PCNX2: variants seen among roughly 807,000 people sequenced by gnomAD.
PCNX2 encodes the protein pecanex 2.
A neutral mutation model predicts 223.8 loss-of-function variants in PCNX2; 168 were observed. The observed-to-expected ratio is 0.75, with a 90% CI of 0.66 to 0.85. The LOEUF (loss-of-function observed/expected upper bound fraction) is 0.85, where lower values mean the gene tolerates loss of function less well. Ranked by LOEUF, PCNX2 falls within the 40% of genes least tolerant of loss-of-function variation. The pLI, the probability that PCNX2 is intolerant of heterozygous loss-of-function variation, is 0.00. For synonymous variants in PCNX2, 1,006 were observed against 1,052.6 expected (o/e 0.96, Z 0.86); for missense variants, 2,507 against 2,675.5 (o/e 0.94, Z 1.39).
Position 233,227,253 on chromosome 1 carries a change from C to T in PCNX2, c.2477G>A (p.Arg826Gln), listed in dbSNP as rs1553317674. 5.6e-6 allele frequency: 9 copies of T among 1,612,448 alleles called. No individual in the cohort carries two copies. Among genetic ancestry groups the T allele is most frequent in the East Asian group, 4.5e-5 (2 of 44,804 alleles). Residue 826 changes from arginine to glutamine, a missense_variant, in exon 10 of 34, where the codon CGA becomes CAA. Physicochemically the swap from Arg to Gln is conservative, Grantham distance 43. Around this residue, in one of 3 missense-constraint regions of PCNX2, gnomAD observed 1,031 missense variants for 1,021.7 expected, o/e 1.01. Transcript: ENST00000258229. ...ATCAAGTAATGCCAGCAAGGTCAGTCGATCATACCAGACTTTAATCCACTT... is the reference window on the plus strand; with the variant it reads ...ATCAAGTAATGCCAGCAAGGTCAGTTGATCATACCAGACTTTAATCCACTT... The part of the protein sequence containing the change: ...PGKWIKVWYD[R>Q]LTLLALLDRT...
At chr1:233,104,353 T>C (rs1294342638) in intron 21 of PCNX2, among the ~76,000 whole-genome samples, 1 of 152,172 alleles carries the variant, frequency 6.6e-6, no homozygotes, top group African/African-American at 2.4e-5. Context: ...AATACATTTT[T>C]ACCAAAATAA....
intron 23 of PCNX2, among the ~76,000 whole-genome samples, chr1:233,086,007 T>C (rs1010514481): frequency 1.3e-5 from 2 of 152,162 alleles, no homozygotes; most frequent in Non-Finnish European, 2.9e-5. Flanking sequence ...TATTGAGTAA[T>C]AGACAACAAG....
In PCNX2 at chr1:233,236,827, A is replaced by G. The variant is rs375754463; in HGVS notation, c.2358+18T>C. Reference sequence around the variant, plus strand: ...GTTTCCAGAACATCCACAAACAGCAATTCTGGAATGTACGTACCCGTGGGG... The same window carrying G: ...GTTTCCAGAACATCCACAAACAGCAGTTCTGGAATGTACGTACCCGTGGGG... On this transcript the variant is annotated intron_variant, in intron 9 of 33. Transcript: ENST00000258229. The G allele has an allele frequency of 1.5e-5, 24 of 1,609,830 alleles. No individual in the cohort carries two copies. The highest frequency in any genetic ancestry group is 2.0e-5 in the Non-Finnish European group (23 of 1,178,214).
intron 13 of PCNX2, 119 bp from the exon 14 acceptor site, chr1:233,200,383 CTTTTTTTTTTT>C (rs1011802481): frequency 1.4e-5 from 3 of 210,944 alleles, no homozygotes; most frequent in African/African-American, 4.3e-5. Context: ...TGGAGGCAAT[CTTTTTTTTTTT>C]TTTTTTTTTT....
At chr1:233,292,906 A>T (rs1344255854) in intron 1 of PCNX2, among the ~76,000 whole-genome samples, 2 of 152,246 alleles carry the variant, frequency 1.3e-5, no homozygotes, top group Admixed American at 6.5e-5. Flanking sequence ...TGGCATAGAG[A>T]TATAACAATT....
At chr1:233,128,458 C>T (rs1378891596) in intron 21 of PCNX2, among the ~76,000 whole-genome samples, 3 of 152,084 alleles carry the variant, frequency 2.0e-5, no homozygotes, top group Admixed American at 6.6e-5. Context: ...CCTCAGCCTC[C>T]GGAGTAGCTG....
At chr1:233,215,450 A>C (rs76846566) in intron 12 of PCNX2, among the ~76,000 whole-genome samples, 126 of 152,336 alleles carry the variant, frequency 8.3e-4, no homozygotes, top group African/African-American at 3.0e-3. Flanking sequence ...AGATAAAGGA[A>C]TAGCAGCTTG....
At chr1:233,222,973 A>G (rs1384602346) in intron 10 of PCNX2, among the ~76,000 whole-genome samples, 2 of 152,196 alleles carry the variant, frequency 1.3e-5, no homozygotes, top group Non-Finnish European at 2.9e-5. Flanking sequence ...TGTCACTGGC[A>G]TATTAAAAGC....
rs1658471646 is a variant in PCNX2 at position 233,237,125 on chromosome 1, A to T, written c.2223-145T>A. On this transcript the variant is annotated intron_variant, in intron 8 of 33. Transcript: ENST00000258229. The stretch of plus-strand genomic sequence containing the variant: ...ACCTTACATAAACAGTTAAGAGTTT[A>T]AAATTATGTATACAAGGCTACCTTC... The T allele has an allele frequency of 2.9e-6, 3 of 1,024,676 alleles. 1 individual carries two copies. The highest frequency in any genetic ancestry group is 4.2e-6 in the Non-Finnish European group (3 of 722,232). 63.5% of individuals were successfully genotyped at this position (1,024,676 alleles called of 1,614,324 possible).
chr1:233,069,696 A>G (rs929065994), intron 23 of PCNX2, among the ~76,000 whole-genome samples: 9 of 152,168 alleles, frequency 5.9e-5, no homozygotes, highest in Non-Finnish European at 8.8e-5. Flanking sequence ...TTGAACTGAA[A>G]GAAAATGGAA....
At chr1:233,025,621 T>C in intron 25 of PCNX2, 1 of 600,714 alleles carries the variant, frequency 1.7e-6, no homozygotes, top group East Asian at 2.9e-5. Flanking sequence ...GTAGAAAATA[T>C]ATTTAAACGA....
chr1:233,285,078 T>A, intron 1 of PCNX2: 1 of 933,524 alleles, frequency 1.1e-6, no homozygotes, highest in Non-Finnish European at 1.3e-6. Flanking sequence ...TAGGGCCGGG[T>A]GCAGTGGTTC....
intron 4 of PCNX2, 133 bp from the exon 5 acceptor site, chr1:233,259,477 T>A (rs1003772175): frequency 4.6e-6 from 6 of 1,300,158 alleles, no homozygotes; most frequent in Non-Finnish European, 6.1e-6. Context: ...TTAATTTTAC[T>A]TTAAGTTCTG....
At position 233,289,476 on chromosome 1, in the gene PCNX2, G is replaced by A. The variant is rs140237847; in HGVS notation, c.153+5850C>T. 1.5e-4 allele frequency: 143 copies of A among 977,200 alleles called. No individual in the cohort carries two copies. The African/African-American group carries it at 2.1e-3, about 14-fold the overall frequency. The allele number at this position is 977,200 out of a possible 1,614,324, so 60.5% of individuals were successfully genotyped here. A position where few individuals can be genotyped will look rare whatever the true frequency, so the allele number is the denominator to read the frequency against. On this transcript the variant is annotated intron_variant, in intron 1 of 33. Transcript: ENST00000258229. ...CTTCTCCTGGGAGAACTTGCCGAGC[G>A]CCGGCTTAGGAAGAGCAGAAGGATG...
At chr1:233,176,795 C>T (rs1679501083) in intron 17 of PCNX2, among the ~76,000 whole-genome samples, 2 of 152,170 alleles carry the variant, frequency 1.3e-5, no homozygotes, top group Admixed American at 6.5e-5. Flanking sequence ...AGGCAGATCA[C>T]GTGGTCAGGA....
At chr1:233,317,812 C>T in the PCNX2 span, among the ~76,000 whole-genome samples, 1 of 152,152 alleles carries the variant, frequency 6.6e-6, no homozygotes, top group Admixed American at 6.5e-5. Context: ...CTCAATGAAT[C>T]CTCAAAACAA....
At chr1:233,113,857 G>T (rs902236201) in intron 21 of PCNX2, among the ~76,000 whole-genome samples, 3 of 152,202 alleles carry the variant, frequency 2.0e-5, no homozygotes, top group African/African-American at 7.2e-5. Flanking sequence ...GTGCAGACTC[G>T]AATAGCACTG....
At position 233,142,346 on chromosome 1, in the gene PCNX2, A is replaced by T. The variant is rs796968951; in HGVS notation, c.3518-2491T>A. Among the ~76,000 whole-genome samples the T allele has an allele frequency of 4.6e-5, 7 of 152,286 alleles. No individual in the cohort carries two copies. The South Asian group carries it at 1.5e-3, about 32-fold the overall frequency. The stretch of plus-strand genomic sequence containing the variant: ...TCTTTGACCTCCACTTTCGGGAGAA[A>T]ATAAAGTCTATGAGGTACAAATGCC... On this transcript the variant is annotated intron_variant, in intron 19 of 33. Coordinates refer to ENST00000258229, the MANE Select transcript of PCNX2 (RefSeq NM_014801.4).
intron 8 of PCNX2, among the ~76,000 whole-genome samples, chr1:233,246,822 A>T (rs1659153239): frequency 6.6e-6 from 1 of 152,224 alleles, no homozygotes; most frequent in Admixed American, 6.5e-5. Flanking sequence ...ACACGAGTGC[A>T]CACATGCACT....
Sources: allele counts gnomAD v4.1 joint callset (sites outside exome capture counted in the v4.1 genomes callset), GRCh38; gene constraint gnomAD v4.1.1; regional missense constraint gnomAD v4.1.1; transcripts MANE v1.5; gene names NCBI Gene and HGNC (gene_info 2026-07-23, HGNC 2026-07-21).